TEK: variants seen among roughly 807,000 people sequenced by gnomAD.
The protein encoded by TEK is angiopoietin-1 receptor.
A neutral mutation model predicts 131.8 loss-of-function variants in TEK; 43 were observed. The ratio of observed to expected loss-of-function variants is 0.33; its 90% CI spans 0.26 to 0.42. The LOEUF (loss-of-function observed/expected upper bound fraction) is 0.42, where lower values mean the gene tolerates loss of function less well. Ranked by LOEUF, TEK falls within the 10% of genes least tolerant of loss-of-function variation. The pLI is 1.00. For missense variants in TEK, 1,162 were observed against 1,384.4 expected, an observed-to-expected ratio of 0.84 and a Z score of 2.55; for synonymous variants, 580 against 491.6, an observed-to-expected ratio of 1.18 and a Z score of -2.38.
intron 1 of TEK, among the ~76,000 whole-genome samples, chr9:27,119,304 T>G (rs113992110): frequency 6.6e-6 from 1 of 152,150 alleles, no homozygotes; most frequent in Admixed American, 6.5e-5. Context: ...TTCATGTGGT[T>G]TTGGGGAAGA....
At chr9:27,222,531 C>A (rs943920744) in intron 21 of TEK, among the ~76,000 whole-genome samples, 1 of 152,140 alleles carries the variant, frequency 6.6e-6, no homozygotes, top group African/African-American at 2.4e-5. Flanking sequence ...AGAAACCCTA[C>A]GAGCCAGAAG....
chr9:27,219,966 G>A, intron 20 of TEK, 83 bp from the exon 21 acceptor site: 1 of 1,407,220 alleles, frequency 7.1e-7, no homozygotes, highest in Non-Finnish European at 1.0e-6. Context: ...CTTCCTCCTG[G>A]CCCCTTATAT....
intron 1 of TEK, among the ~76,000 whole-genome samples, chr9:27,122,285 A>G (rs1483013036): frequency 6.6e-6 from 1 of 152,212 alleles, no homozygotes; most frequent in African/African-American, 2.4e-5. Context: ...AAACATGGAA[A>G]CTGGAGTGAG....
rs765053701 is a variant in TEK at position 27,209,229 on chromosome 9, G to A, written c.2684G>A (p.Arg895Gln). ...IINLLGACEH[R>Q]GYLYLAIEYA... ...AATCTCTTAGGAGCATGTGAACATCGAGGTAAGATGCTCTTTTCCTGTCTT... is the reference window on the plus strand; with the variant it reads ...AATCTCTTAGGAGCATGTGAACATCAAGGTAAGATGCTCTTTTCCTGTCTT... Residue 895 changes from arginine (R) to glutamine (Q), a missense_variant and splice_region_variant, in exon 16 of 23, where the codon CGA (arginine) becomes CAA (glutamine). This residue lies in a region of TEK where 57 missense variants were observed against 100.8 expected (regional missense o/e 0.57). Coordinates refer to ENST00000380036, the MANE Select transcript of TEK (RefSeq NM_000459.5). 17 of 1,603,518 alleles carry A rather than the reference G, an allele frequency of 1.1e-5. No individual in the cohort carries two copies. Among genetic ancestry groups the A allele is most frequent in the East Asian group, 2.2e-5 (1 of 44,828 alleles).
chr9:27,220,571 G>A (rs1168682033), intron 21 of TEK, among the ~76,000 whole-genome samples: 1 of 152,208 alleles, frequency 6.6e-6, no homozygotes, highest in Non-Finnish European at 1.5e-5. Flanking sequence ...CAACGCAGAA[G>A]GCAAGTGATT....
intron 1 of TEK, among the ~76,000 whole-genome samples, chr9:27,141,406 C>T (rs989681601): frequency 6.6e-6 from 1 of 152,124 alleles, no homozygotes; most frequent in African/African-American, 2.4e-5. Flanking sequence ...ATATTTTGAA[C>T]ACTCATGTGT....
chr9:27,178,397 G>A (rs1170837751), intron 6 of TEK, among the ~76,000 whole-genome samples: 1 of 152,040 alleles, frequency 6.6e-6, no homozygotes, highest in African/African-American at 2.4e-5. Context: ...GTAATGTGAT[G>A]TCTCTAGCTT....
chr9:27,197,546 C>A lies in TEK; in HGVS notation c.1856C>A (p.Thr619Asn). Residue 619 changes from threonine (T) to asparagine (N), a missense_variant, in exon 12 of 23, where the codon ACC becomes AAC. Thr to Asn is a moderately conservative substitution (Grantham distance 65). Transcript: ENST00000380036. ...EQYVVRARVNTKAQGEWSEDL... is the reference protein window; with the variant it reads ...EQYVVRARVNNKAQGEWSEDL... ...TACGTGGTCCGAGCTAGAGTCAACA[C>A]CAAGGCCCAGGGGGAATGGAGTGAA... 6.2e-7 allele frequency: 1 copy of A among 1,614,066 alleles called. No homozygotes were observed. Among genetic ancestry groups the A allele is most frequent in the Non-Finnish European group, 8.5e-7 (1 of 1,179,992 alleles).
intron 1 of TEK, among the ~76,000 whole-genome samples, chr9:27,137,363 G>A (rs1822501687): frequency 6.6e-6 from 1 of 152,130 alleles, no homozygotes; most frequent in Admixed American, 6.6e-5. Flanking sequence ...GAAATAATTT[G>A]CTAATATTTT....
intron 1 of TEK, 105 bp downstream of exon 1, chr9:27,109,747 G>C (rs1587463202): frequency 5.2e-6 from 6 of 1,158,636 alleles, no homozygotes; most frequent in Admixed American, 1.9e-5. Flanking sequence ...ACAAGGGGTG[G>C]CTGTAGCAAA....
chr9:27,221,446 T>C (rs892202370), intron 21 of TEK, among the ~76,000 whole-genome samples: 1 of 146,614 alleles, frequency 6.8e-6, no homozygotes, highest in Admixed American at 6.8e-5. Flanking sequence ...CCTCCTCATG[T>C]GGGTCCCTGA....
intron 21 of TEK, among the ~76,000 whole-genome samples, chr9:27,224,769 A>C (rs1826241673): frequency 6.6e-6 from 1 of 152,000 alleles, no homozygotes; most frequent in Non-Finnish European, 1.5e-5. Context: ...CAGTCAGGCA[A>C]GAGAAAGAAA....
intron 15 of TEK, among the ~76,000 whole-genome samples, chr9:27,208,040 G>C (rs1825462647): frequency 6.6e-6 from 1 of 152,108 alleles, no homozygotes. Context: ...TTGTGAGCCT[G>C]ATTTTCTACC....
At chr9:27,171,166 T>A (rs1033985542) in intron 4 of TEK, among the ~76,000 whole-genome samples, 3 of 152,172 alleles carry the variant, frequency 2.0e-5, no homozygotes, top group African/African-American at 7.2e-5. Flanking sequence ...ATATCACCAT[T>A]ACATTTTCCT....
At chr9:27,193,817 C>T (rs1824913634) in intron 11 of TEK, among the ~76,000 whole-genome samples, 5 of 152,096 alleles carry the variant, frequency 3.3e-5, no homozygotes, top group Admixed American at 2.0e-4. Context: ...ATATCTTTGT[C>T]TTTTAGAGCC....
At chr9:27,199,809 C>T (rs1013523257) in intron 12 of TEK, among the ~76,000 whole-genome samples, 1 of 152,128 alleles carries the variant, frequency 6.6e-6, no homozygotes, top group Admixed American at 6.5e-5. Flanking sequence ...TTCTCCTAAT[C>T]CCTTTATTGT....
intron 2 of TEK, among the ~76,000 whole-genome samples, chr9:27,162,034 T>A (rs1371809646): frequency 2.0e-5 from 3 of 152,204 alleles, no homozygotes; most frequent in Non-Finnish European, 4.4e-5. Flanking sequence ...GTATGTTCTC[T>A]CCTGTATTTT....
At chr9:27,131,478 CAA>C (rs537408115) in intron 1 of TEK, among the ~76,000 whole-genome samples, 44 of 97,038 alleles carry the variant, frequency 4.5e-4, no homozygotes, top group Admixed American at 9.4e-4. Flanking sequence ...GACCCTGTCT[CAA>C]AAAAAAAAAA....
At chr9:27,163,726 A>G (rs553294869) in intron 2 of TEK, among the ~76,000 whole-genome samples, 2 of 152,224 alleles carry the variant, frequency 1.3e-5, no homozygotes, top group African/African-American at 2.4e-5. Flanking sequence ...CATCTCCCAT[A>G]TGGATAAACT....
Sources: gnomAD v4.1 joint callset for allele counts (sites outside exome capture counted in the v4.1 genomes callset) on GRCh38, gnomAD v4.1.1 for gene constraint, gnomAD v4.1.1 regional missense constraint, MANE v1.5 for transcripts, NCBI Gene and HGNC (gene_info 2026-07-23, HGNC 2026-07-21) for gene names.